Variants in MIER1 observed in about 807,000 individuals in gnomAD.
MIER1 encodes the protein mesoderm induction early response protein 1.
In MIER1, 40 loss-of-function variants were observed where a neutral mutation model predicts 75.7. The ratio of observed to expected loss-of-function variants is 0.53; its 90% confidence interval spans 0.41 to 0.69. MIER1 has a LOEUF of 0.69. MIER1 is among the 30% of genes least tolerant of loss of function. MIER1 has a pLI of 0.00. For missense variants in MIER1, 574 were observed against 680.2 expected (o/e 0.84, Z 1.74); for synonymous variants, 213 against 223.4 (o/e 0.95, Z 0.42).
chr1:66,927,739 T>G (rs1169551902), intron 2 of MIER1, among the ~76,000 whole-genome samples: 1 of 152,068 alleles, frequency 6.6e-6, no homozygotes, highest in Non-Finnish European at 1.5e-5. Context: ...AGCAGCCTTT[T>G]TATGAGATAT....
In MIER1 at chr1:66,986,970, T is replaced by A. The variant is rs943830077; in HGVS notation, c.*2070T>A. The A allele has an allele frequency of 2.7e-5, 4 of 147,926 alleles. No homozygotes were observed. Among genetic ancestry groups the A allele is most frequent in the African/African-American group, 5.2e-5 (2 of 38,628 alleles). The allele number at this position is 147,926 out of a possible 1,614,324, so 9.2% of individuals were successfully genotyped here. On this transcript the variant is annotated 3_prime_UTR_variant, in exon 14 of 14. Coordinates refer to ENST00000401041, the MANE Select transcript of MIER1 (RefSeq NM_001077700.3). ...GTTGGAGATGCCATTTTCACCTTTT[T>A]AAAAAGATGCATTTTATTTGCAGGT...
chr1:66,938,258 ATC>A (rs1450286031), intron 2 of MIER1, among the ~76,000 whole-genome samples: 2 of 152,200 alleles, frequency 1.3e-5, no homozygotes, highest in East Asian at 3.8e-4. Flanking sequence ...ACAATTCAAA[ATC>A]TCTATTGTTA....
At chr1:66,981,485 CCAGTTCT>C (rs1665869763) in intron 12 of MIER1, among the ~76,000 whole-genome samples, 1 of 152,166 alleles carries the variant, frequency 6.6e-6, no homozygotes, top group East Asian at 1.9e-4. Context: ...AAGAGATCTT[CCAGTTCT>C]AGTTGGGCCA....
intron 4 of MIER1, among the ~76,000 whole-genome samples, chr1:66,954,279 C>T (rs558291456): frequency 6.6e-6 from 1 of 152,166 alleles, no homozygotes; most frequent in Non-Finnish European, 1.5e-5. Context: ...CTAAATACTT[C>T]CAGAGTGTCA....
At chr1:66,947,795 A>G (rs912797) in intron 4 of MIER1, 262,376 of 343,472 alleles carry the variant, frequency 0.76, 100,637 homozygotes, top group East Asian at 0.88. Flanking sequence ...CCTCTTACCC[A>G]TGTATCACAC....
At chr1:66,958,583 A>G (rs7537803) in intron 5 of MIER1, among the ~76,000 whole-genome samples, 7 of 152,072 alleles carry the variant, frequency 4.6e-5, no homozygotes, top group African/African-American at 1.7e-4. Flanking sequence ...TAAAGTTAGT[A>G]TAGAACGTTC....
chr1:66,984,399 AAG>A (rs1294115090), intron 13 of MIER1, among the ~76,000 whole-genome samples, 171 bp from the exon 14 acceptor site: 7 of 152,378 alleles, frequency 4.6e-5, no homozygotes, highest in African/African-American at 1.7e-4. Context: ...GAGATACAGA[AAG>A]AGTAAATAAT....
intron 2 of MIER1, among the ~76,000 whole-genome samples, chr1:66,927,774 C>T (rs1478670187): frequency 6.6e-6 from 1 of 152,086 alleles, no homozygotes; most frequent in Non-Finnish European, 1.5e-5. Context: ...GGGGTTTAAA[C>T]ATAGGCAGAA....
At chr1:66,960,487 A>T (rs551114496) in intron 7 of MIER1, among the ~76,000 whole-genome samples, 1 of 152,332 alleles carries the variant, frequency 6.6e-6, no homozygotes, top group Admixed American at 6.5e-5. Flanking sequence ...TTGTAAAAGA[A>T]CTGAGCTCTT....
Position 66,986,092 on chromosome 1 carries a change from C to A in MIER1, c.*1192C>A. ...AGTGATACTTAGATATTGGCACACA[C>A]AAGGAACAACTGTTGGCAGGCAGTA... is the stretch of plus-strand genomic sequence containing the variant. On this transcript the variant is annotated 3_prime_UTR_variant, in exon 14 of 14. Transcript: ENST00000401041. 9.4e-7 allele frequency: 1 copy of A among 1,065,812 alleles called. No homozygotes were observed. The allele number at this position is 1,065,812 out of a possible 1,614,324, so 66.0% of individuals were successfully genotyped here. A position where few individuals can be genotyped will look rare whatever the true frequency, so the allele number is the denominator to read the frequency against.
rs1393410329 is a variant in MIER1 at position 66,977,550 on chromosome 1, T to G, written c.1229+828T>G. Reference sequence around the variant, plus strand: ...TAGTCCCATTGACACAGATATGGGTTGTTGTATCCATTCTTTATGTAAAAT... The same window carrying G: ...TAGTCCCATTGACACAGATATGGGTGGTTGTATCCATTCTTTATGTAAAAT... On this transcript the variant is annotated intron_variant, in intron 12 of 13. Coordinates refer to ENST00000401041, the MANE Select transcript of MIER1 (RefSeq NM_001077700.3). Among the ~76,000 whole-genome samples, 4 of 152,244 alleles carry G rather than the reference T, an allele frequency of 2.6e-5. No individual in the cohort carries two copies. In the East Asian group the frequency reaches 7.7e-4, roughly 29 times the overall value.
intron 13 of MIER1, 122 bp downstream of exon 13, chr1:66,982,040 C>A: frequency 1.1e-6 from 1 of 936,546 alleles, no homozygotes. Context: ...AATGATAACA[C>A]ATGAGACAAA....
At chr1:66,944,846 C>T (rs918401629) in intron 3 of MIER1, among the ~76,000 whole-genome samples, 1 of 151,968 alleles carries the variant, frequency 6.6e-6, no homozygotes, top group Non-Finnish European at 1.5e-5. Flanking sequence ...CTGCCTTAGC[C>T]TCCTGAGTAG....
At chr1:66,955,800 T>C (rs1268568372) in intron 4 of MIER1, among the ~76,000 whole-genome samples, 1 of 152,218 alleles carries the variant, frequency 6.6e-6, no homozygotes, top group African/African-American at 2.4e-5. Context: ...CTTCAGTGGC[T>C]TTTATTCACA....
intron 4 of MIER1, among the ~76,000 whole-genome samples, chr1:66,955,892 G>C (rs1253803876): frequency 6.6e-6 from 1 of 152,120 alleles, no homozygotes; most frequent in Non-Finnish European, 1.5e-5. Flanking sequence ...CTGAGATTAG[G>C]AGGTCTGGGT....
In MIER1 at chr1:66,959,663, G is replaced by A; in HGVS notation, c.635-16G>A. On this transcript the variant is annotated splice_polypyrimidine_tract_variant and intron_variant, in intron 6 of 13. Transcript: ENST00000401041. ...TAAGCAGTCATTTTATAGTATTGGT[G>A]TCTTATTTATTCTAGATAGTGAAGT... 1 of 1,218,150 alleles carries A rather than the reference G, an allele frequency of 8.2e-7. No individual in the cohort carries two copies. Among genetic ancestry groups the A allele is most frequent in the South Asian group, 1.5e-5 (1 of 64,860 alleles). The allele number at this position is 1,218,150 out of a possible 1,614,324, so 75.5% of individuals were successfully genotyped here.
At chr1:66,965,080 A>G (rs1455055224) in intron 8 of MIER1, among the ~76,000 whole-genome samples, 1 of 152,208 alleles carries the variant, frequency 6.6e-6, no homozygotes, top group Non-Finnish European at 1.5e-5. Flanking sequence ...TTCTCAAGGT[A>G]ATTCCTGCAA....
intron 2 of MIER1, among the ~76,000 whole-genome samples, chr1:66,937,792 A>G (rs1003180333): frequency 6.6e-6 from 1 of 152,228 alleles, no homozygotes; most frequent in African/African-American, 2.4e-5. Flanking sequence ...ATGTTTTCAA[A>G]TACCAATTTT....
rs1660900642 is a variant in MIER1 at position 66,959,812 on chromosome 1, T to TA, written c.699+69_699+70insA. 4 of 432,556 alleles carry TA rather than the reference T, an allele frequency of 9.2e-6. No homozygotes were observed. The South Asian group carries it at 1.5e-4, about 17-fold the overall frequency. 26.8% of individuals were successfully genotyped at this position (432,556 alleles called of 1,614,324 possible). ...TTTTTTAAAAAGCCTCGTGTAATTA[T>TA]TTTTTTTTTTACTAACTATGTATAT... On this transcript the variant is annotated intron_variant, in intron 7 of 13. Transcript: ENST00000401041.
Sources: gnomAD v4.1 joint callset for allele counts (sites outside exome capture counted in the v4.1 genomes callset) on GRCh38, gnomAD v4.1.1 for gene constraint, MANE v1.5 for transcripts, NCBI Gene and HGNC (gene_info 2026-07-23, HGNC 2026-07-21) for gene names.